Variants in ADGRG7 observed in about 807,000 individuals in gnomAD.
ADGRG7 encodes the protein adhesion G protein-coupled receptor G7.
In ADGRG7, 82 loss-of-function variants were observed where a neutral mutation model predicts 88.6. The observed-to-expected ratio is 0.93, with a 90% CI of 0.77 to 1.11. ADGRG7 has a LOEUF of 1.11. Ranked by LOEUF, ADGRG7 falls within the 50% of genes most tolerant of loss-of-function variation. The pLI, the probability that ADGRG7 is intolerant of heterozygous loss-of-function variation, is 0.00. For synonymous variants in ADGRG7, 381 were observed against 345.2 expected, an observed-to-expected ratio of 1.10 and a Z score of -1.15; for missense variants, 945 against 953.4, an observed-to-expected ratio of 0.99 and a Z score of 0.12.
At position 100,663,607 on chromosome 3, in the gene ADGRG7, A is replaced by G. The variant is rs146508347; in HGVS notation, c.1979+3764A>G. Among the ~76,000 whole-genome samples, 1,084 of 152,122 alleles carry G rather than the reference A, an allele frequency of 7.1e-3. 16 individuals are homozygous for G. The highest frequency in any genetic ancestry group is 0.025 in the African/African-American group (1,030 of 41,528). ...GAGAACAGAAGATGTTCTATTCAAT[A>G]TCATGAAAATTCCATCTTTACTTCT... is the stretch of plus-strand genomic sequence containing the variant. On this transcript the variant is annotated intron_variant, in intron 14 of 15. Coordinates refer to ENST00000273352, the MANE Select transcript of ADGRG7 (RefSeq NM_032787.3).
intron 14 of ADGRG7, among the ~76,000 whole-genome samples, chr3:100,666,841 G>C (rs1038646438): frequency 1.8e-4 from 27 of 152,138 alleles, no homozygotes; most frequent in Non-Finnish European, 2.5e-4. Context: ...ATTAGGGAGT[G>C]GTGATGACTC....
intron 11 of ADGRG7, among the ~76,000 whole-genome samples, chr3:100,653,488 T>A (rs1028000819): frequency 2.6e-5 from 4 of 152,212 alleles, no homozygotes; most frequent in African/African-American, 9.6e-5. Flanking sequence ...ATTATAAAAA[T>A]TTTAAAACTC....
Position 100,649,827 on chromosome 3 carries a change from CT to C in ADGRG7, c.1379+24del. 1.4e-6 allele frequency: 2 copies of C among 1,387,998 alleles called. No homozygotes were observed. Among genetic ancestry groups the C allele is most frequent in the African/African-American group, 1.4e-5 (1 of 69,956 alleles). The allele number at this position is 1,387,998 out of a possible 1,614,324, so 86.0% of individuals were successfully genotyped here. ...CACCAGGTAAGAGCAGAAGCAGGCT[CT>C]TTTCAGAAGAGAAATTGCTATCTTG... On this transcript the variant is annotated intron_variant, in intron 11 of 15. Transcript: ENST00000273352.
chr3:100,675,234 G>T (rs182118584), intron 15 of ADGRG7, among the ~76,000 whole-genome samples: 3 of 152,164 alleles, frequency 2.0e-5, no homozygotes, highest in Admixed American at 1.3e-4. Flanking sequence ...CTGTGAGTCC[G>T]TCATATACAG....
intron 15 of ADGRG7, among the ~76,000 whole-genome samples, chr3:100,673,013 A>T (rs1559688010): frequency 3.3e-5 from 5 of 151,704 alleles, no homozygotes; most frequent in Admixed American, 2.6e-4. Flanking sequence ...CTGGCCTGAA[A>T]TTTTTTTTGT....
chr3:100,646,821 C>A, intron 10 of ADGRG7, 97 bp downstream of exon 10: 2 of 996,728 alleles, frequency 2.0e-6, no homozygotes, highest in Non-Finnish European at 3.0e-6. Flanking sequence ...ATTTAATTTA[C>A]ATAGATTCTC....
At position 100,635,845 on chromosome 3, in the gene ADGRG7, T is replaced by A. The variant is rs1482310621; in HGVS notation, c.597+19T>A. On this transcript the variant is annotated intron_variant, in intron 5 of 15. Coordinates refer to ENST00000273352, the MANE Select transcript of ADGRG7 (RefSeq NM_032787.3). ...ACCTGAGGTAAAACTCACAGAGCTT[T>A]AAAAAAAATTTTTTTTTTATTTTTA... 2.0e-6 allele frequency: 3 copies of A among 1,523,222 alleles called. No homozygotes were observed. The highest frequency in any genetic ancestry group is 1.7e-4 in the Middle Eastern group (1 of 5,768). 94.4% of individuals were successfully genotyped at this position (1,523,222 alleles called of 1,614,324 possible).
chr3:100,657,223 C>T (rs900072523), intron 13 of ADGRG7, among the ~76,000 whole-genome samples: 1 of 152,142 alleles, frequency 6.6e-6, no homozygotes, highest in Admixed American at 6.5e-5. Context: ...CTGCCTCCTC[C>T]TGAACTTTCT....
At chr3:100,671,563 G>A (rs1337169949) in intron 15 of ADGRG7, among the ~76,000 whole-genome samples, 2 of 152,158 alleles carry the variant, frequency 1.3e-5, no homozygotes, top group Admixed American at 6.5e-5. Context: ...AGTTTAATTA[G>A]ATCCCATTTG....
chr3:100,681,221 CT>C (rs1350728073), intron 15 of ADGRG7, among the ~76,000 whole-genome samples: 1 of 148,984 alleles, frequency 6.7e-6, no homozygotes, highest in Non-Finnish European at 1.5e-5. Flanking sequence ...TTTTTTTAAC[CT>C]TTTTAGTTAT....
In ADGRG7 at chr3:100,647,257, T is replaced by A. The variant is rs189091605; in HGVS notation, c.1266+533T>A. Among the ~76,000 whole-genome samples the A allele has an allele frequency of 1.6e-4, 25 of 152,278 alleles. 1 individual carries two copies. In the East Asian group the frequency reaches 4.6e-3, roughly 28 times the overall value. ...TCTTAGGATAGAGAGGTCAGAACTA[T>A]GTATTTGATCATGGGAAGGGAGTCC... On this transcript the variant is annotated intron_variant, in intron 10 of 15. Coordinates refer to ENST00000273352, the MANE Select transcript of ADGRG7 (RefSeq NM_032787.3).
intron 1 of ADGRG7, among the ~76,000 whole-genome samples, chr3:100,611,169 T>C (rs1707143297): frequency 6.6e-6 from 1 of 152,134 alleles, no homozygotes; most frequent in African/African-American, 2.4e-5. Flanking sequence ...AACTATGGAT[T>C]TTACCCCATT....
At chr3:100,694,653 G>A in intron 15 of ADGRG7, 91 bp from the exon 16 acceptor site, 1 of 1,205,902 alleles carries the variant, frequency 8.3e-7, no homozygotes, top group Admixed American at 2.1e-5. Flanking sequence ...CCGTGCAGAT[G>A]AGAAGGTTGG....
At chr3:100,681,138 C>G (rs1411225649) in intron 15 of ADGRG7, among the ~76,000 whole-genome samples, 1 of 151,364 alleles carries the variant, frequency 6.6e-6, no homozygotes, top group Non-Finnish European at 1.5e-5. Flanking sequence ...CTGATTTTAT[C>G]ATTATAAAAG....
At chr3:100,649,503 T>C (rs1457892801) in intron 10 of ADGRG7, among the ~76,000 whole-genome samples, 192 bp from the exon 11 acceptor site, 1 of 152,232 alleles carries the variant, frequency 6.6e-6, no homozygotes, top group African/African-American at 2.4e-5. Flanking sequence ...CTCAAGCCTG[T>C]ATACTTCAGG....
At chr3:100,668,219 G>A (rs911953707) in intron 14 of ADGRG7, among the ~76,000 whole-genome samples, 5 of 152,166 alleles carry the variant, frequency 3.3e-5, no homozygotes, top group African/African-American at 1.2e-4. Flanking sequence ...GACCTGTGCT[G>A]TTCCTATTTG....
chr3:100,676,523 G>A (rs193165634), intron 15 of ADGRG7, among the ~76,000 whole-genome samples: 2 of 152,042 alleles, frequency 1.3e-5, no homozygotes, highest in African/African-American at 4.8e-5. Flanking sequence ...TTTAACATAT[G>A]GTCTATATTT....
chr3:100,637,508 C>G, intron 6 of ADGRG7, 106 bp downstream of exon 6: 1 of 741,836 alleles, frequency 1.3e-6, no homozygotes, highest in Non-Finnish European at 2.3e-6. Flanking sequence ...GATGCAGTAA[C>G]TGACTGATTC....
intron 15 of ADGRG7, among the ~76,000 whole-genome samples, chr3:100,692,146 A>G (rs578249653): frequency 6.6e-6 from 1 of 152,340 alleles, no homozygotes; most frequent in East Asian, 1.9e-4. Context: ...AGACTATATA[A>G]TGCAGTGTGG....
Sources: allele counts gnomAD v4.1 joint callset (sites outside exome capture counted in the v4.1 genomes callset), GRCh38; gene constraint gnomAD v4.1.1; transcripts MANE v1.5; gene names NCBI Gene and HGNC (gene_info 2026-07-23, HGNC 2026-07-21).